The following SRI variants were observed in gnomAD, a reference collection of about 807,000 sequenced individuals.
SRI encodes sorcin.
Under a neutral mutation model 33.3 loss-of-function variants are expected in SRI, and 30 were observed. The observed-to-expected ratio is 0.90, with a 90% confidence interval of 0.67 to 1.22. The LOEUF is 1.22. Ranked by LOEUF, SRI falls within the 50% of genes most tolerant of loss-of-function variation. The probability of loss-of-function intolerance (pLI) is 0.00; values close to 1 mark genes in which losing one functional copy is unlikely to be tolerated. For missense variants in SRI, 243 were observed against 250.8 expected (o/e 0.97, Z 0.21); for synonymous variants, 75 against 89.9 (o/e 0.83, Z 0.94).
chr7:88,209,169 G>GA (rs766396184), intron 6 of SRI, 170 bp downstream of exon 6: 102 of 475,400 alleles, frequency 2.1e-4, no homozygotes, highest in East Asian at 3.7e-4. Context: ...ATAAATTCTG[G>GA]AAAAAAAACC....
At chr7:88,225,723 A>G (rs1342774930) in intron 1 of SRI, among the ~76,000 whole-genome samples, 1 of 152,200 alleles carries the variant, frequency 6.6e-6, no homozygotes, top group African/African-American at 2.4e-5. Flanking sequence ...TGCAATTTCT[A>G]TTGGATCAAG....
intron 3 of SRI, among the ~76,000 whole-genome samples, chr7:88,212,515 T>G (rs987295953): frequency 6.6e-6 from 1 of 152,356 alleles, no homozygotes; most frequent in South Asian, 2.1e-4. Context: ...TCAGGAACTC[T>G]GAGTGTGGGA....
At chr7:88,217,295 T>C in intron 2 of SRI, 104 bp from the exon 3 acceptor site, 2 of 997,012 alleles carry the variant, frequency 2.0e-6, no homozygotes, top group Non-Finnish European at 3.1e-6. Flanking sequence ...TCAGTATCTT[T>C]TTTTTATTTA....
intron 3 of SRI, 35 bp downstream of exon 3, chr7:88,217,087 G>C: frequency 6.3e-7 from 1 of 1,584,044 alleles, no homozygotes; most frequent in Non-Finnish European, 8.7e-7. Flanking sequence ...AAACACAAGA[G>C]TATATTTAGA....
At chr7:88,218,200 C>T (rs1851780843) in intron 2 of SRI, among the ~76,000 whole-genome samples, 1 of 152,172 alleles carries the variant, frequency 6.6e-6, no homozygotes, top group Admixed American at 6.5e-5. Context: ...AGTGTCCTCT[C>T]TCAATGTAAG....
At chr7:88,219,276 T>C (rs1851817479) in intron 1 of SRI, 4 of 352,350 alleles carry the variant, frequency 1.1e-5, no homozygotes, top group Non-Finnish European at 2.2e-5. Context: ...AATTCTCCTT[T>C]TGTTGTTACA....
upstream of SRI, among the ~76,000 whole-genome samples, chr7:88,220,947 T>C (rs1162900485): frequency 6.6e-6 from 1 of 152,260 alleles, no homozygotes; most frequent in African/African-American, 2.4e-5. Context: ...TCCAGTTGAA[T>C]AGTCCGAAGC....
rs1851811292 is a variant in SRI at position 88,219,066 on chromosome 7, C to T, written c.52-124G>A. 3.9e-6 allele frequency: 3 copies of T among 764,506 alleles called. No individual in the cohort carries two copies. The South Asian group carries it at 4.3e-5, about 11-fold the overall frequency. 47.4% of individuals were successfully genotyped at this position (764,506 alleles called of 1,614,324 possible). A position where few individuals can be genotyped will look rare whatever the true frequency, so the allele number is the denominator to read the frequency against. On this transcript the variant is annotated intron_variant, in intron 1 of 7. Coordinates refer to ENST00000265729, the MANE Select transcript of SRI (RefSeq NM_003130.4). ...CCCGCCCTTCACAAGGCTCACCTCCCCACCACCGGGCACACTCTGCCAACA... is the reference window on the plus strand; with the variant it reads ...CCCGCCCTTCACAAGGCTCACCTCCTCACCACCGGGCACACTCTGCCAACA...
chr7:88,209,940 T>A, intron 5 of SRI, 43 bp downstream of exon 5: 2 of 1,613,596 alleles, frequency 1.2e-6, no homozygotes, highest in Non-Finnish European at 1.7e-6. Flanking sequence ...AAAATCAACT[T>A]ACTTCTACCA....
intron 1 of SRI, 103 bp downstream of exon 1, chr7:88,219,873 A>AGCCGCCCAGCAGCGCCTCACCCCGCTG: frequency 2.2e-6 from 3 of 1,390,700 alleles, no homozygotes; most frequent in Non-Finnish European, 2.9e-6. Flanking sequence ...GAGCCCGGGT[A>AGCCGCCCAGCAGCGCCTCACCCCGCTG]GCCGCCCAGC....
At chr7:88,215,407 T>C (rs780994150) in intron 3 of SRI, among the ~76,000 whole-genome samples, 7 of 152,234 alleles carry the variant, frequency 4.6e-5, no homozygotes, top group Non-Finnish European at 1.0e-4. Flanking sequence ...ACTGAAAGGA[T>C]GTAGAATAAC....
chr7:88,219,552 G>T (rs1263629032), intron 1 of SRI: 303 of 189,834 alleles, frequency 1.6e-3, no homozygotes, highest in African/African-American at 7.3e-3. Context: ...TTGTTTGTTT[G>T]TTTGTTTGTT....
chr7:88,207,326 C>T (rs953662320), intron 7 of SRI, among the ~76,000 whole-genome samples: 13 of 152,140 alleles, frequency 8.5e-5, no homozygotes, highest in East Asian at 1.9e-4. Context: ...AAGAAGTTAA[C>T]GCATGTTAAA....
intron 3 of SRI, among the ~76,000 whole-genome samples, chr7:88,216,477 G>A (rs1426737284): frequency 6.6e-6 from 1 of 152,206 alleles, no homozygotes; most frequent in African/African-American, 2.4e-5. Context: ...TATGTTAGCA[G>A]GAGCATGCCC....
chr7:88,226,573 G>A (rs1852001870), intron 1 of SRI, among the ~76,000 whole-genome samples: 1 of 152,184 alleles, frequency 6.6e-6, no homozygotes, highest in African/African-American at 2.4e-5. Context: ...CTGTTCTTGA[G>A]TCCTAGGTGC....
At chr7:88,222,872 C>G (rs1055350653), upstream of SRI, among the ~76,000 whole-genome samples, 7 of 151,948 alleles carry the variant, frequency 4.6e-5, no homozygotes, top group Non-Finnish European at 1.0e-4. Flanking sequence ...AAGATTTAAA[C>G]GTTAGACCTA....
At chr7:88,211,331 T>C (rs1851573425) in intron 3 of SRI, among the ~76,000 whole-genome samples, 1 of 152,138 alleles carries the variant, frequency 6.6e-6, no homozygotes, top group South Asian at 2.1e-4. Context: ...GGCACACACC[T>C]GTAATCTCAG....
intron 5 of SRI, among the ~76,000 whole-genome samples, chr7:88,209,684 G>A (rs553334692): frequency 5.3e-5 from 8 of 151,542 alleles, no homozygotes; most frequent in African/African-American, 1.9e-4. Flanking sequence ...GTGTGATCTC[G>A]GCTCACAGCA....
intron 3 of SRI, among the ~76,000 whole-genome samples, chr7:88,212,260 T>C (rs943039035): frequency 2.0e-5 from 3 of 152,246 alleles, no homozygotes; most frequent in Admixed American, 2.0e-4. Context: ...AAAAGACTAG[T>C]GACTATTTCT....
Sources: allele counts gnomAD v4.1 joint callset (sites outside exome capture counted in the v4.1 genomes callset), GRCh38; gene constraint gnomAD v4.1.1; transcripts MANE v1.5; gene names NCBI Gene and HGNC (gene_info 2026-07-23, HGNC 2026-07-21).